Variants in TTC29 observed in about 807,000 individuals in gnomAD.
The protein encoded by TTC29 is tetratricopeptide repeat domain 29.
A neutral mutation model predicts 58.1 loss-of-function variants in TTC29; 49 were observed. The ratio of observed to expected loss-of-function variants is 0.84; its 90% CI spans 0.67 to 1.07. The LOEUF (loss-of-function observed/expected upper bound fraction) is 1.07, where lower values mean the gene tolerates loss of function less well. Ranked by LOEUF, TTC29 falls within the 50% of genes least tolerant of loss-of-function variation. The pLI, the probability that TTC29 is intolerant of heterozygous loss-of-function variation, is 0.00. For missense variants in TTC29, 582 were observed against 555.6 expected, an observed-to-expected ratio of 1.05 and a Z score of -0.48; for synonymous variants, 209 against 196.8, an observed-to-expected ratio of 1.06 and a Z score of -0.52.
chr4:146,732,486 T>A (rs1443129191), intron 11 of TTC29, among the ~76,000 whole-genome samples: 1 of 152,150 alleles, frequency 6.6e-6, no homozygotes, highest in Admixed American at 6.5e-5. Flanking sequence ...GAGCCATTTA[T>A]TATACAAAGT....
chr4:146,740,594 A>G (rs1460678918), intron 11 of TTC29, among the ~76,000 whole-genome samples: 2 of 152,148 alleles, frequency 1.3e-5, no homozygotes, highest in Admixed American at 1.3e-4. Flanking sequence ...TATTTGGATA[A>G]GTAAATGTGA....
At chr4:146,740,752 A>G (rs950808144) in intron 11 of TTC29, among the ~76,000 whole-genome samples, 18 of 152,188 alleles carry the variant, frequency 1.2e-4, no homozygotes, top group African/African-American at 3.9e-4. Flanking sequence ...GTCTCACTCA[A>G]GCCACTTCAC....
intron 8 of TTC29, among the ~76,000 whole-genome samples, chr4:146,861,937 A>G (rs932131410): frequency 6.6e-6 from 1 of 152,172 alleles, no homozygotes; most frequent in Non-Finnish European, 1.5e-5. Context: ...ATAAAATTGT[A>G]TATAGAATTA....
At position 146,833,962 on chromosome 4, in the gene TTC29, T is replaced by C. The variant is rs192991808; in HGVS notation, c.886-65A>G. ...CCAGATACGCTGATGTTTCATTTCA[T>C]AACAGAAAAAAATAAAATTAATAGT... is the stretch of plus-strand genomic sequence containing the variant. On this transcript the variant is annotated intron_variant, in intron 8 of 12. Transcript: ENST00000325106. 123 of 1,130,416 alleles carry C rather than the reference T, an allele frequency of 1.1e-4. 1 individual carries two copies. The Middle Eastern group carries it at 1.3e-3, about 12-fold the overall frequency. The allele number at this position is 1,130,416 out of a possible 1,614,324, so 70.0% of individuals were successfully genotyped here.
intron 9 of TTC29, among the ~76,000 whole-genome samples, chr4:146,822,826 G>A (rs1471569771): frequency 1.3e-5 from 2 of 152,040 alleles, no homozygotes; most frequent in African/African-American, 4.8e-5. Context: ...ATCTCATTGC[G>A]GTTTTGATTT....
At chr4:146,858,331 A>G (rs1213410496) in intron 8 of TTC29, among the ~76,000 whole-genome samples, 2 of 152,174 alleles carry the variant, frequency 1.3e-5, no homozygotes, top group Admixed American at 1.3e-4. Flanking sequence ...TACCACAGTT[A>G]CCTCTGATAT....
At chr4:146,708,339 TATATATATATATATATAC>T (rs1401124826) in intron 11 of TTC29, among the ~76,000 whole-genome samples, 18,115 of 74,300 alleles carry the variant, frequency 0.24, 2,362 homozygotes, top group South Asian at 0.36. Flanking sequence ...TATATATATA[TATATATATATATATATAC>T]ACATGTATGT....
chr4:146,755,918 T>C (rs1215159364), intron 11 of TTC29, among the ~76,000 whole-genome samples: 1 of 152,080 alleles, frequency 6.6e-6, no homozygotes, highest in Non-Finnish European at 1.5e-5. Flanking sequence ...CAACCTATTA[T>C]AGGTTACTAA....
At chr4:146,754,628 A>G (rs1746292232) in intron 11 of TTC29, among the ~76,000 whole-genome samples, 1 of 152,340 alleles carries the variant, frequency 6.6e-6, no homozygotes, top group East Asian at 1.9e-4. Context: ...ATGCAAATCA[A>G]TCAATATGAT....
chr4:146,784,325 A>C (rs1748846788), intron 11 of TTC29, among the ~76,000 whole-genome samples: 1 of 152,126 alleles, frequency 6.6e-6, no homozygotes, highest in Non-Finnish European at 1.5e-5. Flanking sequence ...TGTTGGACAC[A>C]ACACAGTAAA....
chr4:146,732,129 A>G (rs1744382098), intron 11 of TTC29, among the ~76,000 whole-genome samples: 1 of 152,122 alleles, frequency 6.6e-6, no homozygotes, highest in Non-Finnish European at 1.5e-5. Flanking sequence ...TGGGAATGTT[A>G]TGGTATTCAA....
intron 11 of TTC29, among the ~76,000 whole-genome samples, chr4:146,755,521 C>G (rs185126269): frequency 6.6e-6 from 1 of 152,110 alleles, no homozygotes; most frequent in Admixed American, 6.5e-5. Flanking sequence ...GTAGGATGAA[C>G]AAATTAGAGA....
rs187234416 is a variant in TTC29, at chr4:146,881,662, T to C, written c.587-6734A>G. On this transcript the variant is annotated intron_variant, in intron 6 of 12. Coordinates refer to ENST00000325106, the MANE Select transcript of TTC29 (RefSeq NM_031956.4). ...TTTATATTATCTTTAGGTTTTTACA[T>C]TTAATTATGATAATTATAACGGCAC... Among the ~76,000 whole-genome samples the C allele has an allele frequency of 1.2e-4, 18 of 152,238 alleles. No homozygotes were observed. In the East Asian group the frequency reaches 3.1e-3, roughly 26 times the overall value.
intron 3 of TTC29, 68 bp from the exon 4 acceptor site, chr4:146,937,745 A>C: frequency 3.5e-6 from 3 of 853,336 alleles, no homozygotes; most frequent in Admixed American, 3.1e-5. Context: ...AACACATAAA[A>C]TGCCACCAGG....
At chr4:146,834,965 CA>C (rs1728411751) in intron 8 of TTC29, among the ~76,000 whole-genome samples, 1 of 152,090 alleles carries the variant, frequency 6.6e-6, no homozygotes, top group Non-Finnish European at 1.5e-5. Context: ...TATACTGACC[CA>C]GGGTTTTAAT....
chr4:146,718,931 G>A (rs1320297297), intron 11 of TTC29, among the ~76,000 whole-genome samples: 1 of 152,122 alleles, frequency 6.6e-6, no homozygotes, highest in Non-Finnish European at 1.5e-5. Flanking sequence ...CGGATATCCA[G>A]TTTTCTCAGC....
intron 10 of TTC29, among the ~76,000 whole-genome samples, chr4:146,817,241 G>A (rs182256369): frequency 0.011 from 1,644 of 152,166 alleles, 24 homozygotes; most frequent in African/African-American, 0.03. Context: ...AAGTCTCAGG[G>A]TACAAAATCA....
rs571061059 is a variant in TTC29 at position 146,877,297 on chromosome 4, T to A, written c.587-2369A>T. 6.0e-4 allele frequency among the ~76,000 whole-genome samples: 92 copies of A among 152,316 alleles called. 3 individuals carry two copies. In the South Asian group the frequency reaches 0.019, roughly 31 times the overall value. On this transcript the variant is annotated intron_variant, in intron 6 of 12. Transcript: ENST00000325106. Reference sequence around the variant, plus strand: ...TTTCTTGATTTTTTTTCTGTTTGCTTATTAGCATTTCCTAAAGTTTCTATC... The same window carrying A: ...TTTCTTGATTTTTTTTCTGTTTGCTAATTAGCATTTCCTAAAGTTTCTATC...
intron 8 of TTC29, among the ~76,000 whole-genome samples, chr4:146,864,796 TATAAGA>T (rs1579859225): frequency 6.6e-6 from 1 of 152,192 alleles, no homozygotes; most frequent in East Asian, 1.9e-4. Flanking sequence ...GCCTTTTTCT[TATAAGA>T]ATGTTTGTCT....
Sources: allele counts gnomAD v4.1 joint callset (sites outside exome capture counted in the v4.1 genomes callset), GRCh38; gene constraint gnomAD v4.1.1; transcripts MANE v1.5; gene names NCBI Gene and HGNC (gene_info 2026-07-23, HGNC 2026-07-21).